Variants in WDR82 observed in about 807,000 individuals in gnomAD.
WDR82 encodes WD repeat domain 82.
In WDR82, 8 loss-of-function variants were observed where a neutral mutation model predicts 36.1. That is an observed-to-expected ratio of 0.22 (90% CI 0.13 to 0.40). The LOEUF is 0.40. Ranked by LOEUF, WDR82 falls within the 10% of genes least tolerant of loss-of-function variation. The probability of loss-of-function intolerance (pLI) is 1.00; values close to 1 mark genes in which losing one functional copy is unlikely to be tolerated. For missense variants in WDR82, 185 were observed against 400.5 expected (o/e 0.46, Z 4.59); for synonymous variants, 129 against 137.8 (o/e 0.94, Z 0.45).
At chr3:52,261,329 AG>A in intron 4 of WDR82, 50 bp downstream of exon 4, 1 of 1,490,744 alleles carries the variant, frequency 6.7e-7, no homozygotes, top group Non-Finnish European at 9.3e-7. Context: ...AGTTCATTAC[AG>A]TGCCTACCAA....
chr3:52,260,429 T>G lies in WDR82; in HGVS notation c.499A>C (p.Asn167His). 6.3e-7 allele frequency: 1 copy of G among 1,594,088 alleles called. No individual in the cohort carries two copies. The highest frequency in any genetic ancestry group is 8.5e-7 in the Non-Finnish European group (1 of 1,173,370). The change falls in exon 5 of 9, where the codon AAC becomes CAC. Residue 167 changes from asparagine to histidine, a missense_variant. Asn to His is a moderately conservative substitution (Grantham distance 68). This residue lies in a region of WDR82 where 110 missense variants were observed against 212.6 expected (regional missense o/e 0.52). Coordinates refer to ENST00000296490, the MANE Select transcript of WDR82 (RefSeq NM_025222.4). ...PEGLIFAAGV[N>H]SEMVKLYDLR... ...TCATAAAGCTTGACCATTTCAGAGT[T>G]GACACCTGCAGCGAAAATTAACCCT...
intron 3 of WDR82, among the ~76,000 whole-genome samples, chr3:52,263,245 GAAGTAAGACCCCGACCGTA>G (rs1181663325): frequency 7.9e-5 from 12 of 152,234 alleles, no homozygotes; most frequent in African/African-American, 2.9e-4. Flanking sequence ...AACACATGGA[GAAGTAAGACCCCGACCGTA>G]AGGAATTTTA....
rs1380386521 is a variant in WDR82 at position 52,278,189 on chromosome 3, C to T, written c.161+12G>A. ...CACTGAGACTCGGGCCCAGGGCCTC[C>T]GCCGCACTCACTTGCCCTCCTGGCA... On this transcript the variant is annotated intron_variant, in intron 1 of 8. Coordinates refer to ENST00000296490, the MANE Select transcript of WDR82 (RefSeq NM_025222.4). 6.3e-7 allele frequency: 1 copy of T among 1,586,972 alleles called. No individual in the cohort carries two copies.
At position 52,254,463 on chromosome 3, in the gene WDR82, T is replaced by C. The variant is rs1699986528; in HGVS notation, c.*3027A>G. Reference sequence around the variant, plus strand: ...GTTTAAGACTGTAACATGGAAAAAATGTTTATACGTTAAGTACAAAAGGGA... The same window carrying C: ...GTTTAAGACTGTAACATGGAAAAAACGTTTATACGTTAAGTACAAAAGGGA... On this transcript the variant is annotated 3_prime_UTR_variant, in exon 9 of 9. Transcript: ENST00000296490. 2 of 152,550 alleles carry C rather than the reference T, an allele frequency of 1.3e-5. No individual in the cohort carries two copies. Among genetic ancestry groups the C allele is most frequent in the African/African-American group, 4.8e-5 (2 of 41,410 alleles). 9.4% of individuals were successfully genotyped at this position (152,550 alleles called of 1,614,324 possible). A position where few individuals can be genotyped will look rare whatever the true frequency, so the allele number is the denominator to read the frequency against.
chr3:52,262,169 G>C (rs1169063033), intron 3 of WDR82, among the ~76,000 whole-genome samples: 1 of 152,196 alleles, frequency 6.6e-6, no homozygotes, highest in African/African-American at 2.4e-5. Flanking sequence ...GATCAGATAT[G>C]AACTGATCCA....
At chr3:52,258,986 TAGCATTACTAATAAGGTAG>T (rs1700036504) in intron 7 of WDR82, among the ~76,000 whole-genome samples, 192 bp downstream of exon 7, 1 of 152,206 alleles carries the variant, frequency 6.6e-6, no homozygotes, top group South Asian at 2.1e-4. Flanking sequence ...ACCAGGACAT[TAGCATTACTAATAAGGTAG>T]TGCTTGTGGA....
chr3:52,270,706 G>C lies in WDR82; in HGVS notation c.259+6C>G, dbSNP rs769030637. ...TGACCTTAACTTCCTAAAAAGGCTT[G>C]CTTACCGTCTATTTTGTTAGAGCTG... On this transcript the variant is annotated splice_donor_region_variant and intron_variant, in intron 2 of 8. Transcript: ENST00000296490. The C allele has an allele frequency of 6.2e-7, 1 of 1,605,576 alleles. No individual in the cohort carries two copies. Among genetic ancestry groups the C allele is most frequent in the East Asian group, 2.2e-5 (1 of 44,704 alleles).
chr3:52,267,224 T>C, intron 2 of WDR82: 3 of 396,774 alleles, frequency 7.6e-6, no homozygotes, highest in South Asian at 5.0e-5. Flanking sequence ...AGTTCTTAAG[T>C]TGACAGCATA....
At chr3:52,273,116 T>C (rs1319514409) in intron 1 of WDR82, among the ~76,000 whole-genome samples, 1 of 152,182 alleles carries the variant, frequency 6.6e-6, no homozygotes, top group Non-Finnish European at 1.5e-5. Context: ...TATCAGTTAT[T>C]TCATCCCATC....
At chr3:52,267,349 A>G (rs1700114994) in intron 2 of WDR82, 2 of 255,382 alleles carry the variant, frequency 7.8e-6, no homozygotes, top group Non-Finnish European at 1.5e-5. Context: ...TAAAGCACAC[A>G]TAATAATTTT....
At chr3:52,270,627 C>T in intron 2 of WDR82, 85 bp downstream of exon 2, 1 of 1,016,936 alleles carries the variant, frequency 9.8e-7, no homozygotes. Flanking sequence ...CTAAAGTAGT[C>T]ACAAAGCAGA....
chr3:52,262,935 T>C (rs1700073919), intron 3 of WDR82, among the ~76,000 whole-genome samples: 1 of 152,080 alleles, frequency 6.6e-6, no homozygotes, highest in African/African-American at 2.4e-5. Flanking sequence ...TGAGACCAGC[T>C]TGGCCAACAT....
rs1305361230 is a variant in WDR82, at chr3:52,254,932, G to C, written c.*2558C>G. ...CACAGGGCCCAACGATAGAGACTGT[G>C]AGGTGGCATTTTTTTTTTTTTTTTT... On this transcript the variant is annotated 3_prime_UTR_variant, in exon 9 of 9. Transcript: ENST00000296490. 6.6e-6 allele frequency: 1 copy of C among 151,220 alleles called. No individual in the cohort carries two copies. The highest frequency in any genetic ancestry group is 1.5e-5 in the Non-Finnish European group (1 of 67,928). 9.4% of individuals were successfully genotyped at this position (151,220 alleles called of 1,614,324 possible). A position where few individuals can be genotyped will look rare whatever the true frequency, so the allele number is the denominator to read the frequency against.
intron 1 of WDR82, among the ~76,000 whole-genome samples, chr3:52,274,949 G>A (rs549240187): frequency 3.7e-4 from 56 of 152,092 alleles, no homozygotes; most frequent in African/African-American, 1.3e-3. Context: ...AAGGCCGGGC[G>A]CAGTGGCTCA....
chr3:52,277,424 A>G (rs1700215156), intron 1 of WDR82, among the ~76,000 whole-genome samples: 1 of 152,352 alleles, frequency 6.6e-6, no homozygotes, highest in Non-Finnish European at 1.5e-5. Flanking sequence ...ATAGAAAAAA[A>G]AAAGTATGAA....
Position 52,278,598 on chromosome 3 carries a change from G to A in WDR82, c.-237C>T, listed in dbSNP as rs908585039. The A allele has an allele frequency of 9.9e-6, 4 of 403,328 alleles. No individual in the cohort carries two copies. The highest frequency in any genetic ancestry group is 3.6e-5 in the East Asian group (1 of 28,044). 25.0% of individuals were successfully genotyped at this position (403,328 alleles called of 1,614,324 possible). A position where few individuals can be genotyped will look rare whatever the true frequency, so the allele number is the denominator to read the frequency against. On this transcript the variant is annotated 5_prime_UTR_variant, in exon 1 of 9. Coordinates refer to ENST00000296490, the MANE Select transcript of WDR82 (RefSeq NM_025222.4). Reference sequence around the variant, plus strand: ...CACAGCCACCTCACGGACAACCGGCGCGTCGCCGGCTCATTGTGTCCGCCA... The same window carrying A: ...CACAGCCACCTCACGGACAACCGGCACGTCGCCGGCTCATTGTGTCCGCCA...
intron 3 of WDR82, among the ~76,000 whole-genome samples, chr3:52,266,027 T>C (rs1319808661): frequency 2.6e-5 from 4 of 152,124 alleles, no homozygotes; most frequent in Non-Finnish European, 5.9e-5. Flanking sequence ...GAAAACGTGT[T>C]TAACATTCAA....
chr3:52,270,852 C>T, intron 1 of WDR82, 43 bp from the exon 2 acceptor site: 4 of 1,454,630 alleles, frequency 2.7e-6, no homozygotes, highest in Non-Finnish European at 3.8e-6. Flanking sequence ...CATTCTCCAT[C>T]ATCAAAATCT....
At position 52,260,503 on chromosome 3, in the gene WDR82, TA is replaced by T; in HGVS notation, c.427-3del. 6.4e-7 allele frequency: 1 copy of T among 1,559,450 alleles called. No homozygotes were observed. The highest frequency in any genetic ancestry group is 2.2e-5 in the Admixed American group (1 of 45,462). On this transcript the variant is annotated splice_polypyrimidine_tract_variant and splice_region_variant and intron_variant, in intron 4 of 8. Coordinates refer to ENST00000296490, the MANE Select transcript of WDR82 (RefSeq NM_025222.4). ...CTTCCCCTGCAGATGCATGAGGCCCTAAGAGAAAAGAAATAAGAAATACACT... is the reference window on the plus strand; with the variant it reads ...CTTCCCCTGCAGATGCATGAGGCCCTAGAGAAAAGAAATAAGAAATACACT...
Sources: allele counts gnomAD v4.1 joint callset (sites outside exome capture counted in the v4.1 genomes callset), GRCh38; gene constraint gnomAD v4.1.1; regional missense constraint gnomAD v4.1.1; transcripts MANE v1.5; gene names NCBI Gene and HGNC (gene_info 2026-07-23, HGNC 2026-07-21).